GPA33: variants seen among roughly 807,000 people sequenced by gnomAD.
The protein encoded by GPA33 is cell surface A33 antigen.
In GPA33, 27 loss-of-function variants were observed where a neutral mutation model predicts 35.6. The observed-to-expected ratio is 0.76, with a 90% CI of 0.56 to 1.04. GPA33 has a LOEUF of 1.04. GPA33 is among the 50% of genes least tolerant of loss of function. GPA33 has a pLI of 0.00. For synonymous variants in GPA33, 176 were observed against 164.0 expected (o/e 1.07, Z -0.56); for missense variants, 428 against 411.9 (o/e 1.04, Z -0.34).
In GPA33 at chr1:167,090,239, A is replaced by T. The variant is rs762997361; in HGVS notation, c.43+6T>A. On this transcript the variant is annotated splice_donor_region_variant and intron_variant, in intron 1 of 6. Transcript: ENST00000367868. ...TGGGCACTGGAGAGAAAAGGGGCCT[A>T]CTCACCTGCACAGAGTGTCCACAAC... 2 of 1,609,320 alleles carry T rather than the reference A, an allele frequency of 1.2e-6. No individual in the cohort carries two copies. The highest frequency in any genetic ancestry group is 1.7e-6 in the Non-Finnish European group (2 of 1,175,724).
chr1:167,085,699 T>C (rs996425613), intron 1 of GPA33, among the ~76,000 whole-genome samples: 1 of 152,232 alleles, frequency 6.6e-6, no homozygotes, highest in Non-Finnish European at 1.5e-5. Context: ...TGTGGGAGAA[T>C]GCATACCATT....
intron 3 of GPA33, among the ~76,000 whole-genome samples, chr1:167,066,458 G>A (rs984845391): frequency 2.6e-5 from 4 of 152,134 alleles, no homozygotes; most frequent in South Asian, 4.1e-4. Context: ...GCCTTAGGGC[G>A]GAATGTGTCA....
intron 2 of GPA33, among the ~76,000 whole-genome samples, chr1:167,072,822 A>G (rs1182347725): frequency 6.6e-6 from 1 of 152,130 alleles, no homozygotes; most frequent in African/African-American, 2.4e-5. Flanking sequence ...TACATCTATA[A>G]AAACATATAT....
chr1:167,089,651 G>T (rs1294756053), intron 1 of GPA33, among the ~76,000 whole-genome samples: 2 of 152,124 alleles, frequency 1.3e-5, no homozygotes, highest in African/African-American at 2.4e-5. Context: ...GTTCTGGGAG[G>T]TTTCCCTCCC....
At chr1:167,089,866 G>A (rs542041527) in intron 1 of GPA33, among the ~76,000 whole-genome samples, 7 of 151,926 alleles carry the variant, frequency 4.6e-5, no homozygotes, top group African/African-American at 1.2e-4. Context: ...TAACACAAAC[G>A]TTAATATACT....
chr1:167,073,358 T>C (rs757050323), intron 2 of GPA33, 27 bp downstream of exon 2: 37 of 1,600,434 alleles, frequency 2.3e-5, no homozygotes, highest in Admixed American at 3.3e-5. Context: ...CATTCCCATG[T>C]TGCCTGAACT....
chr1:167,075,329 C>T (rs1484866274), intron 1 of GPA33, among the ~76,000 whole-genome samples: 2 of 152,106 alleles, frequency 1.3e-5, no homozygotes, highest in Non-Finnish European at 2.9e-5. Context: ...GGGCTAATGT[C>T]TTAGACACAG....
chr1:167,056,659 TAC>T (rs1666275768), intron 4 of GPA33, among the ~76,000 whole-genome samples: 10 of 25,124 alleles, frequency 4.0e-4, no homozygotes, highest in African/African-American at 5.2e-4. Flanking sequence ...GTGTGTGTGG[TAC>T]GGTGAGTGTG....
chr1:167,063,706 C>T lies in GPA33; in HGVS notation c.447G>A (p.Glu149=). 1.2e-6 allele frequency: 2 copies of T among 1,613,472 alleles called. No individual in the cohort carries two copies. The highest frequency in any genetic ancestry group is 1.7e-6 in the Non-Finnish European group (2 of 1,179,976). ...TGTTGTTCCCAATTATGGTCTCTCC[C>T]TCGATGCCGCATTCTGGTTTGGAGG... is the stretch of plus-strand genomic sequence containing the variant. The part of the protein sequence containing the change: ...VPPSKPECGI[E]GETIIGNNIQ... The change falls in exon 4 of 7, where the codon GAG becomes GAA. Residue 149 remains glutamate, a synonymous_variant. Coordinates refer to ENST00000367868, the MANE Select transcript of GPA33 (RefSeq NM_005814.3).
At chr1:167,087,699 G>A (rs187360594) in intron 1 of GPA33, among the ~76,000 whole-genome samples, 5 of 152,034 alleles carry the variant, frequency 3.3e-5, no homozygotes, top group African/African-American at 7.3e-5. Context: ...GGCTTATTGC[G>A]AGGTCAAGAG....
chr1:167,054,128 A>T lies in GPA33; in HGVS notation c.*206T>A. 1.6e-6 allele frequency: 1 copy of T among 636,408 alleles called. No individual in the cohort carries two copies. The highest frequency in any genetic ancestry group is 2.0e-5 in the South Asian group (1 of 51,032). 39.4% of individuals were successfully genotyped at this position (636,408 alleles called of 1,614,324 possible). A position where few individuals can be genotyped will look rare whatever the true frequency, so the allele number is the denominator to read the frequency against. ...TGTCACAGCCAGGAGGGGTTACTTCACAGGACAGTGAGGTCAGCAGGATCA... is the reference window on the plus strand; with the variant it reads ...TGTCACAGCCAGGAGGGGTTACTTCTCAGGACAGTGAGGTCAGCAGGATCA... On this transcript the variant is annotated 3_prime_UTR_variant, in exon 7 of 7. Coordinates refer to ENST00000367868, the MANE Select transcript of GPA33 (RefSeq NM_005814.3).
intron 1 of GPA33, among the ~76,000 whole-genome samples, chr1:167,074,501 G>A (rs1355138020): frequency 6.6e-6 from 1 of 152,176 alleles, no homozygotes; most frequent in Non-Finnish European, 1.5e-5. Flanking sequence ...GGGGTGCAGA[G>A]TTGAGCTACC....
intron 4 of GPA33, among the ~76,000 whole-genome samples, chr1:167,061,582 A>C (rs1666443323): frequency 6.9e-6 from 1 of 144,938 alleles, no homozygotes; most frequent in African/African-American, 2.6e-5. Context: ...GGATTCTACT[A>C]ACTGTTTTTT....
chr1:167,067,272 C>T (rs1486999608), intron 3 of GPA33, among the ~76,000 whole-genome samples: 1 of 119,520 alleles, frequency 8.4e-6, no homozygotes, highest in Non-Finnish European at 1.8e-5. Flanking sequence ...GATCCTCCAC[C>T]TCAATTTATT....
chr1:167,076,734 C>G (rs932746057), intron 1 of GPA33, among the ~76,000 whole-genome samples: 15 of 152,162 alleles, frequency 9.9e-5, no homozygotes, highest in African/African-American at 3.1e-4. Context: ...GGTTTCCCCT[C>G]TTTGGCATTT....
intron 1 of GPA33, among the ~76,000 whole-genome samples, chr1:167,074,419 G>A (rs1666781101): frequency 6.6e-6 from 1 of 152,030 alleles, no homozygotes; most frequent in Admixed American, 6.6e-5. Context: ...AGGTCCTTTG[G>A]GACAGCCAAC....
At chr1:167,073,208 G>GAC (rs749325476) in intron 2 of GPA33, among the ~76,000 whole-genome samples, 177 bp downstream of exon 2, 2 of 152,136 alleles carry the variant, frequency 1.3e-5, no homozygotes, top group African/African-American at 2.4e-5. Context: ...AAATAAAGGT[G>GAC]ACATACTCTG....
chr1:167,068,118 C>T (rs374194521), intron 3 of GPA33, among the ~76,000 whole-genome samples: 1 of 151,522 alleles, frequency 6.6e-6, no homozygotes, highest in Non-Finnish European at 1.5e-5. Context: ...TTAAATTAAA[C>T]ATATTAATTA....
intron 2 of GPA33, among the ~76,000 whole-genome samples, chr1:167,072,590 T>C (rs990224325): frequency 6.6e-6 from 1 of 152,252 alleles, no homozygotes; most frequent in Non-Finnish European, 1.5e-5. Flanking sequence ...AGGGTATTTA[T>C]ATTTATGCAG....
Sources: allele counts gnomAD v4.1 joint callset (sites outside exome capture counted in the v4.1 genomes callset), GRCh38; gene constraint gnomAD v4.1.1; transcripts MANE v1.5; gene names NCBI Gene and HGNC (gene_info 2026-07-23, HGNC 2026-07-21).